The following CNTN3 variants were observed in gnomAD, a reference collection of about 807,000 sequenced individuals.
CNTN3 encodes the protein contactin 3, also known as contactin-3.
In CNTN3, 60 loss-of-function variants were observed where a neutral mutation model predicts 119.1. The ratio of observed to expected loss-of-function variants is 0.50; its 90% confidence interval spans 0.41 to 0.62. The LOEUF is 0.62. Ranked by LOEUF, CNTN3 falls within the 20% of genes least tolerant of loss-of-function variation. The pLI is 0.00. For missense variants in CNTN3, 1,101 were observed against 1,242.4 expected, an observed-to-expected ratio of 0.89 and a Z score of 1.71; for synonymous variants, 450 against 438.7, an observed-to-expected ratio of 1.03 and a Z score of -0.32.
chr3:74,549,799 A>G (rs1703963735), intron 1 of CNTN3, among the ~76,000 whole-genome samples: 2 of 152,188 alleles, frequency 1.3e-5, no homozygotes, highest in Admixed American at 6.5e-5. Context: ...GACAGACGCT[A>G]TGGTATTAGA....
At chr3:74,374,107 C>T (rs182046372) in intron 5 of CNTN3, among the ~76,000 whole-genome samples, 30 of 152,182 alleles carry the variant, frequency 2.0e-4, no homozygotes, top group African/African-American at 6.3e-4. Context: ...ATTTCTCTAA[C>T]GGGCAATTTT....
chr3:74,359,515 C>G (rs761369918), intron 11 of CNTN3, among the ~76,000 whole-genome samples: 16 of 151,902 alleles, frequency 1.1e-4, no homozygotes, highest in Non-Finnish European at 4.4e-5. Context: ...CCAGCATAGT[C>G]AAAATTAAAT....
At chr3:74,411,351 C>T (rs1427871650) in intron 5 of CNTN3, among the ~76,000 whole-genome samples, 1 of 152,088 alleles carries the variant, frequency 6.6e-6, no homozygotes, top group Non-Finnish European at 1.5e-5. Context: ...TGAACCCTAT[C>T]TTTAAGCTAG....
At chr3:74,433,509 C>T (rs1701817942) in intron 4 of CNTN3, among the ~76,000 whole-genome samples, 1 of 152,168 alleles carries the variant, frequency 6.6e-6, no homozygotes, top group African/African-American at 2.4e-5. Flanking sequence ...AAGATCATAA[C>T]AGCCTCAGGA....
At position 74,486,649 on chromosome 3, in the gene CNTN3, AGG is replaced by A. The variant is rs1294809623; in HGVS notation, c.183-20_183-19del. The A allele has an allele frequency of 4.6e-6, 7 of 1,510,944 alleles. No homozygotes were observed. Among genetic ancestry groups the A allele is most frequent in the Middle Eastern group, 1.8e-4 (1 of 5,670 alleles). 93.6% of individuals were successfully genotyped at this position (1,510,944 alleles called of 1,614,324 possible). A position where few individuals can be genotyped will look rare whatever the true frequency, so the allele number is the denominator to read the frequency against. Reference sequence around the variant, plus strand: ...GCTGCCATCTGTAAAACAAATATCAAGGTTCCCCCCCCTTAGTATTTTTAACT... The same window carrying A: ...GCTGCCATCTGTAAAACAAATATCAATTCCCCCCCCTTAGTATTTTTAACT... On this transcript the variant is annotated intron_variant, in intron 3 of 22. Coordinates refer to ENST00000263665, the MANE Select transcript of CNTN3 (RefSeq NM_020872.3).
At chr3:74,592,279 G>A (rs531754934) in intron 1 of CNTN3, among the ~76,000 whole-genome samples, 4 of 151,996 alleles carry the variant, frequency 2.6e-5, no homozygotes, top group Admixed American at 6.6e-5. Context: ...AGAAATGCAG[G>A]GGGCAGGAGC....
rs987753055 is a variant in CNTN3 at position 74,507,792 on chromosome 3, C to T, written c.56-8007G>A. Among the ~76,000 whole-genome samples, 5 of 152,038 alleles carry T rather than the reference C, an allele frequency of 3.3e-5. No homozygotes were observed. In the East Asian group the frequency reaches 5.8e-4, roughly 18 times the overall value. On this transcript the variant is annotated intron_variant, in intron 2 of 22. Coordinates refer to ENST00000263665, the MANE Select transcript of CNTN3 (RefSeq NM_020872.3). ...GATTATAGGTGCCAGCTGCCACACC[C>T]GGCTAACTTTCTGTATTTTAGTAGA...
chr3:74,406,043 T>C (rs1301752570), intron 5 of CNTN3, among the ~76,000 whole-genome samples: 5 of 152,096 alleles, frequency 3.3e-5, no homozygotes. Flanking sequence ...TTTCTATTGT[T>C]GGTCATTTAG....
At chr3:74,551,754 C>CTTTTTTTTTTTTTT (rs776621925) in intron 1 of CNTN3, among the ~76,000 whole-genome samples, 10 of 60,180 alleles carry the variant, frequency 1.7e-4, no homozygotes, top group Non-Finnish European at 2.2e-4. Context: ...TCTTCTTCTT[C>CTTTTTTTTTTTTTT]TTTTTTTTTT....
At chr3:74,486,151 C>A (rs1575772660) in intron 4 of CNTN3, among the ~76,000 whole-genome samples, 1 of 151,948 alleles carries the variant, frequency 6.6e-6, no homozygotes, top group African/African-American at 2.4e-5. Context: ...TCCTCAACTG[C>A]ATTCTTTTCT....
rs184783580 is a variant in CNTN3, at chr3:74,463,112, A to G, written c.358+23344T>C. ...ATTAATTTAAATAACACAACATCAA[A>G]CTGAGCTCAGTAATCTAATCGTTGG... On this transcript the variant is annotated intron_variant, in intron 4 of 22. Transcript: ENST00000263665. Among the ~76,000 whole-genome samples the G allele has an allele frequency of 2.9e-3, 434 of 152,224 alleles. 4 individuals are homozygous for G. Among genetic ancestry groups the G allele is most frequent in the Non-Finnish European group, 1.9e-3 (126 of 67,998 alleles).
chr3:74,552,550 T>C (rs1206293585), intron 1 of CNTN3, among the ~76,000 whole-genome samples: 3 of 152,206 alleles, frequency 2.0e-5, no homozygotes, highest in Admixed American at 1.3e-4. Flanking sequence ...CTCTGGCATA[T>C]GATGCTGAGC....
At chr3:74,582,956 G>T (rs1055309397) in intron 1 of CNTN3, among the ~76,000 whole-genome samples, 2 of 152,168 alleles carry the variant, frequency 1.3e-5, no homozygotes, top group Non-Finnish European at 2.9e-5. Flanking sequence ...TTAATTTACA[G>T]AAGTGACTCA....
chr3:74,460,779 AT>A (rs1702351510), intron 4 of CNTN3, among the ~76,000 whole-genome samples: 1 of 5,264 alleles, frequency 1.9e-4, no homozygotes, highest in African/African-American at 1.2e-3. Flanking sequence ...TTTCATATAT[AT>A]ATATATATAT....
intron 3 of CNTN3, among the ~76,000 whole-genome samples, chr3:74,499,371 T>G (rs1703122857): frequency 6.6e-6 from 1 of 151,970 alleles, no homozygotes; most frequent in Non-Finnish European, 1.5e-5. Flanking sequence ...GAATGTGTTC[T>G]TGACAAGTAC....
At chr3:74,447,269 G>A (rs1374187898) in intron 4 of CNTN3, among the ~76,000 whole-genome samples, 1 of 152,134 alleles carries the variant, frequency 6.6e-6, no homozygotes, top group Non-Finnish European at 1.5e-5. Flanking sequence ...CCAGTAGGAG[G>A]ACTACTGAAC....
rs772397139 is a variant in CNTN3 at position 74,371,311 on chromosome 3, G to C, written c.543C>G (p.Leu181=). The C allele has an allele frequency of 6.2e-7, 1 of 1,613,136 alleles. No homozygotes were observed. The highest frequency in any genetic ancestry group is 2.2e-5 in the East Asian group (1 of 44,846). ...RRFVSQETGH[L]YISKVEPSDV... ...CAGACGGCTCCACCTTAGATATGTA[G>C]AGGTGCCCTGTCTCCTGGGAGACAA... is the stretch of plus-strand genomic sequence containing the variant. The change falls in exon 6 of 23, where the codon CTC becomes CTG. Residue 181 remains leucine, a synonymous_variant. Transcript: ENST00000263665.
intron 2 of CNTN3, among the ~76,000 whole-genome samples, chr3:74,516,144 T>C (rs1208450512): frequency 6.6e-6 from 1 of 152,024 alleles, no homozygotes; most frequent in African/African-American, 2.4e-5. Context: ...TAACAAGCTA[T>C]GTGACTTTGA....
At chr3:74,404,554 A>G (rs1705276646) in intron 5 of CNTN3, among the ~76,000 whole-genome samples, 1 of 152,058 alleles carries the variant, frequency 6.6e-6, no homozygotes, top group South Asian at 2.1e-4. Flanking sequence ...CCTTGTAGAC[A>G]TCAACATGTT....
Sources: allele counts gnomAD v4.1 joint callset (sites outside exome capture counted in the v4.1 genomes callset), GRCh38; gene constraint gnomAD v4.1.1; transcripts MANE v1.5; gene names NCBI Gene and HGNC (gene_info 2026-07-23, HGNC 2026-07-21).